INSL6: variants seen among roughly 807,000 people sequenced by gnomAD.
The protein encoded by INSL6 is insulin like 6.
Under a neutral mutation model 9.4 loss-of-function variants are expected in INSL6, and 16 were observed. That is an observed-to-expected ratio of 1.70 (90% CI 1.15 to 2.59). INSL6 has a LOEUF of 2.59. Among genes scored for constraint, INSL6 ranks in the 30% most tolerant of loss-of-function variants. INSL6 has a pLI of 0.00. For missense variants in INSL6, 391 were observed against 257.3 expected, an observed-to-expected ratio of 1.52 and a Z score of -3.56; for synonymous variants, 154 against 96.9, an observed-to-expected ratio of 1.59 and a Z score of -3.46.
At position 5,185,313 on chromosome 9, in the gene INSL6, C is replaced by T; in HGVS notation, c.289+1G>A. ...AACATGCCTTCGGTTTCGATTTTTA[C>T]CTGGGTTTGTGCCTCTTCCCCGGGC... On this transcript the variant is annotated splice_donor_variant, in intron 1 of 1. Transcript: ENST00000381641. LOFTEE classifies it high-confidence loss of function. The T allele has an allele frequency of 1.9e-6, 3 of 1,613,998 alleles. No homozygotes were observed. Among genetic ancestry groups the T allele is most frequent in the East Asian group, 2.2e-5 (1 of 44,878 alleles).
intron 2 of INSL6, among the ~76,000 whole-genome samples, chr9:5,157,722 G>A (rs1045071084): frequency 6.6e-6 from 1 of 152,122 alleles, no homozygotes; most frequent in African/African-American, 2.4e-5. Flanking sequence ...TCCCAAGACG[G>A]ACTGGTACAA....
chr9:5,149,040 C>T (rs1184016047), intron 2 of INSL6, among the ~76,000 whole-genome samples: 1 of 152,210 alleles, frequency 6.6e-6, no homozygotes, highest in African/African-American at 2.4e-5. Context: ...GCACTTATGG[C>T]CAGTCTCTGC....
intron 2 of INSL6, among the ~76,000 whole-genome samples, chr9:5,152,623 T>C (rs929869705): frequency 1.3e-5 from 2 of 152,184 alleles, no homozygotes; most frequent in African/African-American, 4.8e-5. Flanking sequence ...GAAAACAGCC[T>C]TAATAAGACT....
intron 1 of INSL6, among the ~76,000 whole-genome samples, chr9:5,184,639 C>T (rs1357061629): frequency 1.3e-5 from 2 of 152,102 alleles, no homozygotes; most frequent in Admixed American, 1.3e-4. Context: ...TCACACAGGC[C>T]TTGCATTTGG....
the INSL6 span, chr9:5,022,300 A>G: frequency 4.9e-6 from 4 of 809,702 alleles, no homozygotes; most frequent in Non-Finnish European, 7.6e-6. Context: ...CATAATATAT[A>G]TTTTTATTTT....
At chr9:5,179,347 T>TA (rs1825391801) in intron 1 of INSL6, among the ~76,000 whole-genome samples, 2 of 152,000 alleles carry the variant, frequency 1.3e-5, no homozygotes, top group Non-Finnish European at 2.9e-5. Context: ...TTATTAAAGC[T>TA]AAAAAACAAC....
chr9:5,167,556 G>A (rs1825082932), intron 1 of INSL6, among the ~76,000 whole-genome samples: 1 of 152,226 alleles, frequency 6.6e-6, no homozygotes, highest in Non-Finnish European at 1.5e-5. Flanking sequence ...CACGGAGCAG[G>A]GCCTCCCTGT....
the INSL6 span, chr9:5,089,771 A>G: frequency 1.0e-4 from 162 of 1,599,060 alleles, no homozygotes; most frequent in Admixed American, 3.9e-4. Flanking sequence ...AGTACTGAAG[A>G]GCACCTAAGA....
At chr9:5,064,219 A>G in the INSL6 span, among the ~76,000 whole-genome samples, 1 of 152,170 alleles carries the variant, frequency 6.6e-6, no homozygotes, top group Non-Finnish European at 1.5e-5. Flanking sequence ...TGTAGCATGA[A>G]TACTTTAGCA....
chr9:5,137,482 T>C (rs950597863), intron 2 of INSL6, among the ~76,000 whole-genome samples: 1 of 151,012 alleles, frequency 6.6e-6, no homozygotes, highest in Non-Finnish European at 1.5e-5. Flanking sequence ...TACAACCACC[T>C]GATCTTTGAC....
At chr9:5,063,094 C>T in the INSL6 span, among the ~76,000 whole-genome samples, 1 of 152,006 alleles carries the variant, frequency 6.6e-6, no homozygotes, top group Non-Finnish European at 1.5e-5. Flanking sequence ...ACATGCTTGT[C>T]TCTTTATTAT....
At chr9:5,020,689 G>A in the INSL6 span, among the ~76,000 whole-genome samples, 1 of 152,182 alleles carries the variant, frequency 6.6e-6, no homozygotes, top group African/African-American at 2.4e-5. Context: ...GCTGTAGGTG[G>A]TAGAGCTTGT....
At chr9:5,146,955 C>T (rs1238718532) in intron 2 of INSL6, among the ~76,000 whole-genome samples, 2 of 152,098 alleles carry the variant, frequency 1.3e-5, no homozygotes, top group Non-Finnish European at 2.9e-5. Context: ...CAGGAAAGGC[C>T]AACAGCAAGG....
At chr9:5,026,011 C>CT in the INSL6 span, among the ~76,000 whole-genome samples, 1 of 152,098 alleles carries the variant, frequency 6.6e-6, no homozygotes, top group African/African-American at 2.4e-5. Context: ...ATCTGTGCCT[C>CT]TTTTTTTCTT....
At chr9:5,009,805 C>G in the INSL6 span, among the ~76,000 whole-genome samples, 1 of 150,998 alleles carries the variant, frequency 6.6e-6, no homozygotes, top group Non-Finnish European at 1.5e-5. Flanking sequence ...CAGTCTTGCT[C>G]TGTTGCCCAG....
the INSL6 span, among the ~76,000 whole-genome samples, chr9:5,058,224 C>A: frequency 1.3e-5 from 2 of 152,128 alleles, no homozygotes; most frequent in African/African-American, 2.4e-5. Context: ...TCCGTTCTCA[C>A]ACTGCTATAA....
the INSL6 span, among the ~76,000 whole-genome samples, chr9:5,012,751 T>C: frequency 6.6e-6 from 1 of 152,204 alleles, no homozygotes; most frequent in Non-Finnish European, 1.5e-5. Context: ...TATTGAAGCC[T>C]ATAATTTAGT....
At chr9:5,031,247 A>G in the INSL6 span, among the ~76,000 whole-genome samples, 2 of 152,228 alleles carry the variant, frequency 1.3e-5, no homozygotes, top group East Asian at 1.9e-4. Context: ...TAAGATAGCC[A>G]TGAGAAAGAA....
At chr9:5,043,076 C>T in the INSL6 span, among the ~76,000 whole-genome samples, 1 of 152,208 alleles carries the variant, frequency 6.6e-6, no homozygotes, top group African/African-American at 2.4e-5. Context: ...CTCTGTGCTC[C>T]GCCCCCTGGC....
Sources: gnomAD v4.1 joint callset for allele counts (sites outside exome capture counted in the v4.1 genomes callset) on GRCh38, gnomAD v4.1.1 for gene constraint, MANE v1.5 for transcripts, NCBI Gene and HGNC (gene_info 2026-07-23, HGNC 2026-07-21) for gene names.